Variants in NETO1 observed in about 807,000 individuals in gnomAD.
NETO1 encodes the protein neuropilin and tolloid like 1, also known as neuropilin and tolloid-like protein 1.
In NETO1, 26 loss-of-function variants were observed where a neutral mutation model predicts 61.3. The ratio of observed to expected loss-of-function variants is 0.42; its 90% CI spans 0.31 to 0.59. The LOEUF is 0.59. NETO1 is among the 20% of genes least tolerant of loss of function. The pLI is 0.12. For missense variants in NETO1, 531 were observed against 662.8 expected (o/e 0.80, Z 2.18); for synonymous variants, 225 against 225.8 (o/e 1.00, Z 0.03).
chr18:72,848,740 T>A (rs1413685832), intron 4 of NETO1, among the ~76,000 whole-genome samples: 2 of 152,194 alleles, frequency 1.3e-5, no homozygotes, highest in African/African-American at 4.8e-5. Flanking sequence ...TGAGTCAGCC[T>A]ACTGACACAG....
intron 7 of NETO1, among the ~76,000 whole-genome samples, chr18:72,767,670 G>GA (rs1026628224): frequency 6.6e-6 from 1 of 151,842 alleles, no homozygotes; most frequent in African/African-American, 2.4e-5. Context: ...GAATACTTTT[G>GA]ACAGTTGTTT....
chr18:72,799,043 T>C (rs887077519), intron 4 of NETO1, among the ~76,000 whole-genome samples: 2 of 152,240 alleles, frequency 1.3e-5, no homozygotes, highest in African/African-American at 4.8e-5. Context: ...CATCACTTCA[T>C]CAAATGTGTC....
chr18:72,778,003 T>C (rs1212760489), intron 7 of NETO1, among the ~76,000 whole-genome samples: 1 of 152,144 alleles, frequency 6.6e-6, no homozygotes, highest in Non-Finnish European at 1.5e-5. Context: ...CTTTGAAACA[T>C]AGGTGAAGGC....
At chr18:72,863,970 A>G (rs1312202220) in intron 3 of NETO1, among the ~76,000 whole-genome samples, 1 of 152,216 alleles carries the variant, frequency 6.6e-6, no homozygotes, top group Non-Finnish European at 1.5e-5. Flanking sequence ...CTGTAATCCC[A>G]GCACTCTGGG....
intron 4 of NETO1, among the ~76,000 whole-genome samples, chr18:72,831,885 T>C (rs907197207): frequency 1.5e-4 from 23 of 152,344 alleles, no homozygotes; most frequent in African/African-American, 5.3e-4. Flanking sequence ...TTCCCTTTCA[T>C]GCCTTCTTCC....
intron 4 of NETO1, among the ~76,000 whole-genome samples, chr18:72,846,504 CAAAAAAAAAAA>C (rs35252443): frequency 8.5e-4 from 11 of 13,002 alleles, no homozygotes; most frequent in Non-Finnish European, 1.0e-3. Context: ...GACTTCATCT[CAAAAAAAAAAA>C]AAAAAAAAAA....
chr18:72,759,102 G>A (rs781675665), intron 7 of NETO1, among the ~76,000 whole-genome samples: 2 of 151,974 alleles, frequency 1.3e-5, no homozygotes, highest in South Asian at 2.1e-4. Context: ...TTGCTCTTTC[G>A]ACGACTTGCG....
intron 4 of NETO1, among the ~76,000 whole-genome samples, chr18:72,858,582 T>C (rs2074473583): frequency 6.6e-6 from 1 of 152,218 alleles, no homozygotes; most frequent in African/African-American, 2.4e-5. Context: ...CACTTGATGA[T>C]GTGGCTGATG....
chr18:72,822,431 C>T (rs944544805), intron 4 of NETO1, among the ~76,000 whole-genome samples: 4 of 152,130 alleles, frequency 2.6e-5, no homozygotes, highest in African/African-American at 4.8e-5. Flanking sequence ...TCAGGAGCAC[C>T]GCCACCGTCC....
intron 4 of NETO1, among the ~76,000 whole-genome samples, chr18:72,846,504 C>CAAAAAAAAAA (rs35252443): frequency 0.023 from 294 of 13,016 alleles, 77 homozygotes; most frequent in Non-Finnish European, 0.029. Flanking sequence ...GACTTCATCT[C>CAAAAAAAAAA]AAAAAAAAAA....
At chr18:72,829,439 T>C (rs150961725) in intron 4 of NETO1, among the ~76,000 whole-genome samples, 60 of 152,352 alleles carry the variant, frequency 3.9e-4, no homozygotes, top group African/African-American at 1.2e-3. Context: ...TTCAATCTTA[T>C]TATGATATTA....
At position 72,783,655 on chromosome 18, in the gene NETO1, T is replaced by G. The variant is rs550033568; in HGVS notation, c.868+23A>C. 6.9e-6 allele frequency: 11 copies of G among 1,604,382 alleles called. No homozygotes were observed. The African/African-American group carries it at 1.5e-4, about 21-fold the overall frequency. On this transcript the variant is annotated intron_variant, in intron 7 of 10. Transcript: ENST00000327305. The stretch of plus-strand genomic sequence containing the variant: ...TCATATGGCATATACGAAGGAAAAA[T>G]AGTCAAGTGCAGAGAATCTTACGTT...
intron 7 of NETO1, among the ~76,000 whole-genome samples, chr18:72,768,520 G>T (rs2071239128): frequency 6.6e-6 from 1 of 152,172 alleles, no homozygotes; most frequent in South Asian, 2.1e-4. Context: ...CCACATCTTA[G>T]TCCCACATCC....
At chr18:72,821,234 T>TAAAAAAAAAAAAAAAA (rs10672110) in intron 4 of NETO1, among the ~76,000 whole-genome samples, 18 of 80,218 alleles carry the variant, frequency 2.2e-4, no homozygotes, top group South Asian at 1.9e-3. Context: ...TCATATTAAC[T>TAAAAAAAAAAAAAAAA]AAAAAAAAAA....
At position 72,830,197 on chromosome 18, in the gene NETO1, G is replaced by A. The variant is rs1036604627; in HGVS notation, c.469+28629C>T. Among the ~76,000 whole-genome samples the A allele has an allele frequency of 6.6e-6, 1 of 152,126 alleles. No homozygotes were observed. Among genetic ancestry groups the A allele is most frequent in the South Asian group, 2.1e-4 (1 of 4,824 alleles). ...CGTCCACAGCATAGAGGAAGCGGCGGCACAGGGAAGGAAGCAGCCCTCCCA... is the reference window on the plus strand; with the variant it reads ...CGTCCACAGCATAGAGGAAGCGGCGACACAGGGAAGGAAGCAGCCCTCCCA... On this transcript the variant is annotated intron_variant, in intron 4 of 10. Transcript: ENST00000327305. The surrounding 1 kb of genome is among the most constrained non-coding windows in gnomAD (Gnocchi z 4.9).
intron 4 of NETO1, among the ~76,000 whole-genome samples, 179 bp downstream of exon 4, chr18:72,858,647 G>A (rs2074476405): frequency 6.6e-6 from 1 of 152,080 alleles, no homozygotes; most frequent in Non-Finnish European, 1.5e-5. Flanking sequence ...CTGTTTTAAG[G>A]AAAACATCTT....
At chr18:72,790,601 C>A (rs2072081768) in intron 6 of NETO1, among the ~76,000 whole-genome samples, 1 of 151,920 alleles carries the variant, frequency 6.6e-6, no homozygotes, top group Admixed American at 6.6e-5. Flanking sequence ...TGCTTGGATT[C>A]CTCCGGTGAA....
intron 1 of NETO1, among the ~76,000 whole-genome samples, chr18:72,865,903 A>C (rs1170103458): frequency 1.3e-5 from 2 of 152,234 alleles, no homozygotes; most frequent in African/African-American, 4.8e-5. Context: ...TTGATTTAAT[A>C]CCAAATCAAT....
chr18:72,785,483 A>T (rs115840562), intron 6 of NETO1, among the ~76,000 whole-genome samples: 1,646 of 152,288 alleles, frequency 0.011, 32 homozygotes, highest in African/African-American at 0.038. Flanking sequence ...TTACTCTAAT[A>T]AAAACTAGTT....
Sources: gnomAD v4.1 joint callset for allele counts (sites outside exome capture counted in the v4.1 genomes callset) on GRCh38, gnomAD v4.1.1 for gene constraint, Gnocchi (gnomAD v3.1) non-coding constraint, MANE v1.5 for transcripts, NCBI Gene and HGNC (gene_info 2026-07-23, HGNC 2026-07-21) for gene names.